The following KLHL29 variants were observed in gnomAD, a reference collection of about 807,000 sequenced individuals.
The protein encoded by KLHL29 is kelch like family member 29.
A neutral mutation model predicts 80.4 loss-of-function variants in KLHL29; 21 were observed. The observed-to-expected ratio is 0.26, with a 90% CI of 0.19 to 0.38. KLHL29 has a LOEUF of 0.38. Ranked by LOEUF, KLHL29 falls within the 10% of genes least tolerant of loss-of-function variation. The probability of loss-of-function intolerance (pLI) is 1.00; values close to 1 mark genes in which losing one functional copy is unlikely to be tolerated. For missense variants in KLHL29, 867 were observed against 1,223.9 expected (o/e 0.71, Z 4.35); for synonymous variants, 511 against 526.8 (o/e 0.97, Z 0.41).
At chr2:23,537,440 A>G (rs560117463) in intron 2 of KLHL29, among the ~76,000 whole-genome samples, 6 of 11,738 alleles carry the variant, frequency 5.1e-4, no homozygotes, top group Admixed American at 2.3e-3. Flanking sequence ...ACACACACAC[A>G]CACACACACA....
intron 1 of KLHL29, among the ~76,000 whole-genome samples, chr2:23,465,590 A>G (rs975949626): frequency 6.6e-6 from 1 of 152,180 alleles, no homozygotes; most frequent in Non-Finnish European, 1.5e-5. Flanking sequence ...ACCCCATGGC[A>G]AAAGCGTCCT....
chr2:23,537,872 G>C (rs915479256), intron 2 of KLHL29, among the ~76,000 whole-genome samples: 1 of 152,166 alleles, frequency 6.6e-6, no homozygotes, highest in Admixed American at 6.5e-5. Flanking sequence ...GCTTTGGAAT[G>C]TGTCCAAAGG....
intron 2 of KLHL29, among the ~76,000 whole-genome samples, chr2:23,489,990 G>C (rs1665048848): frequency 6.6e-6 from 1 of 152,206 alleles, no homozygotes; most frequent in African/African-American, 2.4e-5. Flanking sequence ...CCTTGCTCTA[G>C]TGTTGGCAAT....
intron 3 of KLHL29, among the ~76,000 whole-genome samples, chr2:23,599,435 T>C (rs1668512125): frequency 6.6e-6 from 1 of 152,072 alleles, no homozygotes; most frequent in Non-Finnish European, 1.5e-5. Flanking sequence ...TATCATTGAC[T>C]CCTAAAGTAG....
intron 2 of KLHL29, among the ~76,000 whole-genome samples, chr2:23,521,189 C>T (rs192085625): frequency 2.8e-4 from 42 of 152,222 alleles, no homozygotes; most frequent in Middle Eastern, 3.4e-3. Flanking sequence ...GGGACTGCTT[C>T]GAGGGGCTTC....
intron 5 of KLHL29, among the ~76,000 whole-genome samples, chr2:23,660,581 A>C (rs1670376874): frequency 6.6e-6 from 1 of 152,238 alleles, no homozygotes; most frequent in African/African-American, 2.4e-5. Context: ...ATAGCCAAAA[A>C]GGGACAAGGG....
intron 3 of KLHL29, among the ~76,000 whole-genome samples, chr2:23,581,844 A>C (rs985461995): frequency 6.6e-6 from 1 of 151,630 alleles, no homozygotes; most frequent in Non-Finnish European, 1.5e-5. Context: ...AAAAAAAAAA[A>C]AACTTTTATT....
intron 1 of KLHL29, among the ~76,000 whole-genome samples, chr2:23,466,107 C>T (rs190289281): frequency 1.8e-4 from 27 of 152,186 alleles, no homozygotes; most frequent in African/African-American, 6.0e-4. Context: ...CACAGAGAAA[C>T]GCCTCCTTCC....
intron 3 of KLHL29, among the ~76,000 whole-genome samples, chr2:23,573,910 G>C (rs1391980157): frequency 6.6e-6 from 1 of 152,178 alleles, no homozygotes; most frequent in Non-Finnish European, 1.5e-5. Context: ...TTTCAGAGGT[G>C]TTGGCCCAGT....
rs796194890 is a variant in KLHL29, at chr2:23,604,831, G to A, written c.286-34308G>A. On this transcript the variant is annotated intron_variant, in intron 3 of 13. Transcript: ENST00000486442. ...CCTCCCTGCTCCTTGCTGCCTGTCG[G>A]CCTGAGGTCCCCATCCTGACCCATG... 9.2e-5 allele frequency among the ~76,000 whole-genome samples: 14 copies of A among 152,276 alleles called. 1 individual carries two copies. The highest frequency in any genetic ancestry group is 3.4e-4 in the African/African-American group (14 of 41,560).
intron 2 of KLHL29, among the ~76,000 whole-genome samples, chr2:23,494,130 C>T (rs975632134): frequency 6.6e-6 from 1 of 152,126 alleles, no homozygotes; most frequent in African/African-American, 2.4e-5. Context: ...TGCTTAATTC[C>T]ATTAATAACA....
In KLHL29 at chr2:23,385,701, C is replaced by T. The variant is rs1263389230; in HGVS notation, c.-233C>T. ...CACCGCTACCCGCCGGCGCTGTCCG[C>T]TCTCCATCAGCCCTCCTGCGCCCAC... On this transcript the variant is annotated 5_prime_UTR_variant, in exon 1 of 14. Coordinates refer to ENST00000486442, the MANE Select transcript of KLHL29 (RefSeq NM_052920.2). The T allele has an allele frequency of 6.1e-6, 1 of 164,896 alleles. No homozygotes were observed. Among genetic ancestry groups the T allele is most frequent in the Admixed American group, 6.6e-5 (1 of 15,236 alleles). 10.2% of individuals were successfully genotyped at this position (164,896 alleles called of 1,614,324 possible). A position where few individuals can be genotyped will look rare whatever the true frequency, so the allele number is the denominator to read the frequency against.
chr2:23,661,206 G>C (rs1177745917), intron 5 of KLHL29, among the ~76,000 whole-genome samples: 2 of 152,098 alleles, frequency 1.3e-5, no homozygotes, highest in African/African-American at 4.8e-5. Flanking sequence ...GCTGGGTATG[G>C]TGGCATGCAC....
intron 3 of KLHL29, among the ~76,000 whole-genome samples, chr2:23,606,253 A>G (rs553883094): frequency 6.6e-6 from 1 of 151,604 alleles, no homozygotes; most frequent in African/African-American, 2.4e-5. Flanking sequence ...GAGGAATGAA[A>G]AGAGATGATT....
chr2:23,468,446 AC>A, intron 1 of KLHL29, among the ~76,000 whole-genome samples: 1 of 152,060 alleles, frequency 6.6e-6, no homozygotes, highest in Non-Finnish European at 1.5e-5. Flanking sequence ...CTAATAGCCC[AC>A]CTTGTTTTAC....
rs532856002 is a variant in KLHL29 at position 23,544,199 on chromosome 2, C to T, written c.-45-17953C>T. Among the ~76,000 whole-genome samples, 23 of 152,240 alleles carry T rather than the reference C, an allele frequency of 1.5e-4. No individual in the cohort carries two copies. In the South Asian group the frequency reaches 1.7e-3, roughly 11 times the overall value. On this transcript the variant is annotated intron_variant, in intron 2 of 13. Coordinates refer to ENST00000486442, the MANE Select transcript of KLHL29 (RefSeq NM_052920.2). ...CGTCTGTGGGGAGAGAAGACGGGCA[C>T]GAGAACCACGGTGATGTGGGATTGC...
intron 1 of KLHL29, among the ~76,000 whole-genome samples, chr2:23,467,040 C>A (rs1368109831): frequency 6.6e-6 from 1 of 152,168 alleles, no homozygotes; most frequent in Non-Finnish European, 1.5e-5. Context: ...GTCACTCACC[C>A]TCTCCTGTCA....
At chr2:23,604,793 T>A (rs533130797) in intron 3 of KLHL29, among the ~76,000 whole-genome samples, 1 of 152,226 alleles carries the variant, frequency 6.6e-6, no homozygotes, top group East Asian at 1.9e-4. Flanking sequence ...ACCACGCCTC[T>A]CCAGTGCCTC....
At chr2:23,442,182 C>T (rs1049264779) in intron 1 of KLHL29, among the ~76,000 whole-genome samples, 1 of 152,048 alleles carries the variant, frequency 6.6e-6, no homozygotes, top group African/African-American at 2.4e-5. Context: ...CTCCTACCTC[C>T]CAGGCTCAAG....
Sources: gnomAD v4.1 joint callset for allele counts (sites outside exome capture counted in the v4.1 genomes callset) on GRCh38, gnomAD v4.1.1 for gene constraint, MANE v1.5 for transcripts, NCBI Gene and HGNC (gene_info 2026-07-23, HGNC 2026-07-21) for gene names.